The following CNTN6 variants were observed in gnomAD, a reference collection of about 807,000 sequenced individuals.
CNTN6 encodes contactin 6.
A neutral mutation model predicts 122.8 loss-of-function variants in CNTN6; 137 were observed. That is an observed-to-expected ratio of 1.12 (90% CI 0.97 to 1.29). The LOEUF is 1.29. Among genes scored for constraint, CNTN6 ranks in the 50% most tolerant of loss-of-function variants. CNTN6 has a pLI of 0.00. For missense variants in CNTN6, 1,634 were observed against 1,223.4 expected (o/e 1.34, Z -5.01); for synonymous variants, 570 against 426.0 (o/e 1.34, Z -4.16).
chr3:1,158,833 C>T (rs56403251), intron 2 of CNTN6, among the ~76,000 whole-genome samples: 38 of 77,180 alleles, frequency 4.9e-4, no homozygotes, highest in East Asian at 2.1e-3. Context: ...CATATATATA[C>T]ACACACATAT....
At chr3:1,367,500 T>C (rs61678719) in intron 12 of CNTN6, among the ~76,000 whole-genome samples, 1,630 of 152,028 alleles carry the variant, frequency 0.011, 23 homozygotes, top group African/African-American at 0.036. Flanking sequence ...AAATTCTTAA[T>C]CATTTTACCT....
At position 1,099,429 on chromosome 3, in the gene CNTN6, T is replaced by C. The variant is rs536357393; in HGVS notation, c.-83+6309T>C. Among the ~76,000 whole-genome samples, 518 of 152,262 alleles carry C rather than the reference T, an allele frequency of 3.4e-3. 3 individuals carry two copies. The highest frequency in any genetic ancestry group is 4.2e-3 in the African/African-American group (176 of 41,546). On this transcript the variant is annotated intron_variant, in intron 1 of 22. Transcript: ENST00000446702. ...TTGAGCCATTACACTCCAGCCTGGG[T>C]GACAGAGCCAGACTCTGTCTCAAAA...
intron 12 of CNTN6, among the ~76,000 whole-genome samples, chr3:1,369,794 A>C (rs985045171): frequency 6.6e-6 from 1 of 152,076 alleles, no homozygotes; most frequent in Non-Finnish European, 1.5e-5. Context: ...AGTAACTACA[A>C]AAGGAAAATA....
At chr3:1,272,915 A>G (rs2125763799) in intron 4 of CNTN6, among the ~76,000 whole-genome samples, 1 of 152,318 alleles carries the variant, frequency 6.6e-6, no homozygotes, top group East Asian at 1.9e-4. Flanking sequence ...CTTAATTTTA[A>G]GTACATTTTG....
intron 20 of CNTN6, among the ~76,000 whole-genome samples, chr3:1,397,879 G>T (rs975001917): frequency 6.6e-6 from 1 of 152,182 alleles, no homozygotes; most frequent in East Asian, 1.9e-4. Context: ...CTGTTACTTA[G>T]AGGTGTAACA....
chr3:1,212,503 G>GTA (rs77541473), intron 2 of CNTN6, among the ~76,000 whole-genome samples: 1 of 149,670 alleles, frequency 6.7e-6, no homozygotes, highest in Non-Finnish European at 1.5e-5. Context: ...ATACATGTGT[G>GTA]TATATATATA....
At chr3:1,396,102 T>C (rs1694956880) in intron 20 of CNTN6, among the ~76,000 whole-genome samples, 1 of 152,190 alleles carries the variant, frequency 6.6e-6, no homozygotes, top group African/African-American at 2.4e-5. Context: ...TGTCATTGTC[T>C]CCTCTATTCC....
At chr3:1,381,597 C>T (rs941248756) in intron 17 of CNTN6, among the ~76,000 whole-genome samples, 2 of 152,190 alleles carry the variant, frequency 1.3e-5, no homozygotes, top group African/African-American at 4.8e-5. Flanking sequence ...AACCCCTCTG[C>T]TGATCCAGCC....
In CNTN6 at chr3:1,295,708, C is replaced by T. The variant is rs769615424; in HGVS notation, c.562C>T (p.Pro188Ser). The change falls in exon 6 of 23, where the codon CCA (proline) becomes TCA (serine). Residue 188 changes from proline (P) to serine (S), a missense_variant. Pro to Ser is a moderately conservative substitution (Grantham distance 74, BLOSUM62 -1). Transcript: ENST00000446702. The stretch of plus-strand genomic sequence containing the variant: ...AAACTTGTACATTGCCAAAGTGGAA[C>T]CATCAGATGTGGGCAACTACACTTG... ...TGNLYIAKVEPSDVGNYTCFI... is the reference protein window; with the variant it reads ...TGNLYIAKVESSDVGNYTCFI... 11 of 1,613,934 alleles carry T rather than the reference C, an allele frequency of 6.8e-6. No individual in the cohort carries two copies. The highest frequency in any genetic ancestry group is 8.5e-6 in the Non-Finnish European group (10 of 1,179,948).
At chr3:1,328,732 T>A (rs890946805) in intron 10 of CNTN6, among the ~76,000 whole-genome samples, 7 of 151,678 alleles carry the variant, frequency 4.6e-5, no homozygotes, top group African/African-American at 1.2e-4. Context: ...AAGCAACATC[T>A]GAAAAGCCCA....
intron 5 of CNTN6, among the ~76,000 whole-genome samples, chr3:1,293,441 C>G (rs1316941378): frequency 6.6e-6 from 1 of 152,004 alleles, no homozygotes; most frequent in East Asian, 1.9e-4. Flanking sequence ...GTTTTGCCAC[C>G]TTTTACTTTT....
At chr3:1,107,901 A>G (rs1006374697) in intron 1 of CNTN6, among the ~76,000 whole-genome samples, 2 of 152,092 alleles carry the variant, frequency 1.3e-5, no homozygotes, top group African/African-American at 4.8e-5. Flanking sequence ...ATCACCCGAA[A>G]TTATTTAAGA....
chr3:1,274,952 A>G (rs907141316), intron 4 of CNTN6, among the ~76,000 whole-genome samples: 2 of 152,000 alleles, frequency 1.3e-5, no homozygotes, highest in Non-Finnish European at 2.9e-5. Flanking sequence ...CCAAATGACC[A>G]CCCAACGCCC....
chr3:1,385,395 C>A (rs12487202), intron 19 of CNTN6, among the ~76,000 whole-genome samples: 75,390 of 152,066 alleles, frequency 0.5, 20,343 homozygotes, highest in East Asian at 0.81. Context: ...TCTCTAATTT[C>A]CATTGTGAAT....
chr3:1,366,060 G>A (rs552195312), intron 12 of CNTN6, among the ~76,000 whole-genome samples: 39 of 152,182 alleles, frequency 2.6e-4, no homozygotes, highest in Non-Finnish European at 4.9e-4. Flanking sequence ...ATGAAAGGAC[G>A]TATTCAAGGT....
intron 5 of CNTN6, among the ~76,000 whole-genome samples, chr3:1,281,010 C>G (rs913219800): frequency 1.3e-5 from 2 of 152,026 alleles, no homozygotes; most frequent in African/African-American, 2.4e-5. Context: ...CAGGAAGAGC[C>G]CCATCTCTTG....
intron 20 of CNTN6, among the ~76,000 whole-genome samples, chr3:1,393,838 C>A (rs144902175): frequency 1.3e-5 from 2 of 152,160 alleles, no homozygotes; most frequent in African/African-American, 4.8e-5. Context: ...TATATAATAC[C>A]TATACATGTT....
chr3:1,315,043 A>T (rs1181943384), intron 7 of CNTN6, among the ~76,000 whole-genome samples: 1 of 151,992 alleles, frequency 6.6e-6, no homozygotes, highest in Non-Finnish European at 1.5e-5. Flanking sequence ...ATTGGAGTTT[A>T]AAGGGAAATG....
At chr3:1,270,388 G>T (rs1309574592) in intron 4 of CNTN6, among the ~76,000 whole-genome samples, 2 of 152,194 alleles carry the variant, frequency 1.3e-5, no homozygotes, top group Non-Finnish European at 2.9e-5. Flanking sequence ...ATTCTTAAGA[G>T]TATTTTAATA....
Sources: allele counts gnomAD v4.1 joint callset (sites outside exome capture counted in the v4.1 genomes callset), GRCh38; gene constraint gnomAD v4.1.1; transcripts MANE v1.5; gene names NCBI Gene and HGNC (gene_info 2026-07-23, HGNC 2026-07-21).